The following LMNTD2 variants were observed in gnomAD, a reference collection of about 807,000 sequenced individuals.
LMNTD2 encodes the protein lamin tail domain containing 2.
LMNTD2 carries 83 observed loss-of-function variants against 70.1 expected under a neutral mutation model. The observed-to-expected ratio is 1.18, with a 90% CI of 0.99 to 1.42. The LOEUF (loss-of-function observed/expected upper bound fraction) is 1.42, where lower values mean the gene tolerates loss of function less well. Among genes scored for constraint, LMNTD2 ranks in the 40% most tolerant of loss-of-function variants. The pLI, the probability that LMNTD2 is intolerant of heterozygous loss-of-function variation, is 0.00. For missense variants in LMNTD2, 1,153 were observed against 905.9 expected (o/e 1.27, Z -3.50); for synonymous variants, 534 against 406.1 (o/e 1.31, Z -3.79).
rs779940792 is a variant in LMNTD2, at chr11:555,481, C to T, written c.1597G>A (p.Val533Met). The change falls in exon 13 of 14, where the codon GTG becomes ATG. Residue 533 changes from valine (V) to methionine (M), a missense_variant. By Grantham distance (21) the Val-to-Met change is conservative. Transcript: ENST00000329451. Reference protein sequence around the residue: ...RPGTRGLLPPVSSGKLFHARE... With the variant: ...RPGTRGLLPPMSSGKLFHARE... ...GCGTGGAAGAGCTTCCCCGAGCTCA[C>T]TGGGGGCAGCAGGCCCCGCGTCCTG... The T allele has an allele frequency of 1.5e-6, 2 of 1,371,596 alleles. No homozygotes were observed. The highest frequency in any genetic ancestry group is 1.8e-5 in the South Asian group (1 of 55,168). 85.0% of individuals were successfully genotyped at this position (1,371,596 alleles called of 1,614,324 possible). A position where few individuals can be genotyped will look rare whatever the true frequency, so the allele number is the denominator to read the frequency against.
intron 8 of LMNTD2, 51 bp downstream of exon 8, chr11:556,784 G>A (rs575108739): frequency 7.4e-6 from 11 of 1,496,066 alleles, no homozygotes; most frequent in Non-Finnish European, 9.8e-6. Flanking sequence ...ACAGCTCTGA[G>A]GGGGTGGAGG....
rs1432183652 is a variant in LMNTD2, at chr11:558,836, G to C, written c.158+20C>G. On this transcript the variant is annotated intron_variant, in intron 2 of 13. Coordinates refer to ENST00000329451, the MANE Select transcript of LMNTD2 (RefSeq NM_173573.3). ...GCCACCTGGCCCAGGAGGCTCACCAGTCCTCCCTCTCCTCCTTACTGCGGG... is the reference window on the plus strand; with the variant it reads ...GCCACCTGGCCCAGGAGGCTCACCACTCCTCCCTCTCCTCCTTACTGCGGG... The C allele has an allele frequency of 1.9e-6, 3 of 1,596,896 alleles. No homozygotes were observed. The highest frequency in any genetic ancestry group is 2.6e-6 in the Non-Finnish European group (3 of 1,167,142).
chr11:555,525 GGGC>G lies in LMNTD2; in HGVS notation c.1575-25_1575-23del, dbSNP rs892823596. 4 of 1,347,320 alleles carry G rather than the reference GGGC, an allele frequency of 3.0e-6. No homozygotes were observed. The African/African-American group carries it at 6.1e-5, about 21-fold the overall frequency. The allele number at this position is 1,347,320 out of a possible 1,614,324, so 83.5% of individuals were successfully genotyped here. A position where few individuals can be genotyped will look rare whatever the true frequency, so the allele number is the denominator to read the frequency against. On this transcript the variant is annotated intron_variant, in intron 12 of 13. Transcript: ENST00000329451. Reference sequence around the variant, plus strand: ...CGTCCTGGTGGGGCGAGGGTCGTGAGGGCGGCGGCCGGCCCGGGAAAGGCGGCC... The same window carrying G: ...CGTCCTGGTGGGGCGAGGGTCGTGAGGGCGGCCGGCCCGGGAAAGGCGGCC...
chr11:556,250 G>C lies in LMNTD2; in HGVS notation c.1199C>G (p.Pro400Arg), dbSNP rs1852862259. The C allele has an allele frequency of 6.5e-7, 1 of 1,529,024 alleles. No individual in the cohort carries two copies. 94.7% of individuals were successfully genotyped at this position (1,529,024 alleles called of 1,614,324 possible). A position where few individuals can be genotyped will look rare whatever the true frequency, so the allele number is the denominator to read the frequency against. Reference sequence around the variant, plus strand: ...CGGCGGGAAGCGGTACAGGCGCTCCGGGAAGCCGCGCACCAGCTGCTTCAG... The same window carrying C: ...CGGCGGGAAGCGGTACAGGCGCTCCCGGAAGCCGCGCACCAGCTGCTTCAG... ...MVLKQLVRGFPERLYRFPPGT... is the reference protein window; with the variant it reads ...MVLKQLVRGFRERLYRFPPGT... Residue 400 changes from proline (P) to arginine (R), a missense_variant, in exon 10 of 14, where the codon CCG becomes CGG. Pro to Arg is a moderately radical substitution (Grantham distance 103). Coordinates refer to ENST00000329451, the MANE Select transcript of LMNTD2 (RefSeq NM_173573.3).
Position 554,946 on chromosome 11 carries a change from C to T in LMNTD2, c.*34G>A. 1.4e-6 allele frequency: 2 copies of T among 1,464,030 alleles called. No individual in the cohort carries two copies. The highest frequency in any genetic ancestry group is 1.4e-5 in the South Asian group (1 of 73,772). 90.7% of individuals were successfully genotyped at this position (1,464,030 alleles called of 1,614,324 possible). A position where few individuals can be genotyped will look rare whatever the true frequency, so the allele number is the denominator to read the frequency against. On this transcript the variant is annotated 3_prime_UTR_variant, in exon 14 of 14. Transcript: ENST00000329451. ...GCCCAGCCCCGGCGCCCGCCCGCGC[C>T]CTCCCTCGCGGTCCCGGCCCCACTC...
In LMNTD2 at chr11:555,307, G is replaced by A. The variant is rs1852772511; in HGVS notation, c.1771C>T (p.Arg591Trp). ...CGCACCCGCAAGCGCGCACTCACCC[G>A]AACTCGGTGTTCTTTCTGGAGCCGA... ...DCRLQKEHRV[R>W]VCRKSVDRSC... The change falls in exon 13 of 14, where the codon CGG becomes TGG. Residue 591 changes from arginine to tryptophan, a missense_variant and splice_region_variant. By Grantham distance (101) the Arg-to-Trp change is moderately radical (BLOSUM62 -3). Coordinates refer to ENST00000329451, the MANE Select transcript of LMNTD2 (RefSeq NM_173573.3). 2 of 1,415,898 alleles carry A rather than the reference G, an allele frequency of 1.4e-6. No individual in the cohort carries two copies. The highest frequency in any genetic ancestry group is 1.8e-6 in the Non-Finnish European group (2 of 1,087,614). The allele number at this position is 1,415,898 out of a possible 1,614,324, so 87.7% of individuals were successfully genotyped here.
chr11:554,989 G>GCGGCAGGTGTCCGCGGTGAC lies in LMNTD2; in HGVS notation c.1876_1895dup (p.Gly633SerfsTer46). Reference sequence around the variant, plus strand: ...CCCCACTCCTCCGCCCCTAGGCGCCGCGGCAGGTGTCCGCGGTGACCGGCA... The same window carrying GCGGCAGGTGTCCGCGGTGAC: ...CCCCACTCCTCCGCCCCTAGGCGCCGCGGCAGGTGTCCGCGGTGACCGGCAGGTGTCCGCGGTGACCGGCA... On this transcript the variant is annotated frameshift_variant, in exon 14 of 14. Transcript: ENST00000329451. LOFTEE classifies it high-confidence loss of function. 1 of 1,583,330 alleles carries GCGGCAGGTGTCCGCGGTGAC rather than the reference G, an allele frequency of 6.3e-7. No individual in the cohort carries two copies. Among genetic ancestry groups the GCGGCAGGTGTCCGCGGTGAC allele is most frequent in the South Asian group, 1.1e-5 (1 of 87,594 alleles).
chr11:555,348 A>C lies in LMNTD2; in HGVS notation c.1730T>G (p.Leu577Arg). 7.0e-7 allele frequency: 1 copy of C among 1,422,824 alleles called. No homozygotes were observed. The allele number at this position is 1,422,824 out of a possible 1,614,324, so 88.1% of individuals were successfully genotyped here. ...TLPSPPAEAGLGLEDCRLQKE... is the reference protein window; with the variant it reads ...TLPSPPAEAGRGLEDCRLQKE... The stretch of plus-strand genomic sequence containing the variant: ...CTGGAGCCGACAGTCCTCCAGGCCC[A>C]GCCCGGCCTCTGCGGGAGGCGACGG... Residue 577 changes from leucine to arginine, a missense_variant, in exon 13 of 14, where the codon CTG becomes CGG. Coordinates refer to ENST00000329451, the MANE Select transcript of LMNTD2 (RefSeq NM_173573.3).
chr11:558,724 C>G lies in LMNTD2; in HGVS notation c.201G>C (p.Leu67=). 6.2e-7 allele frequency: 1 copy of G among 1,607,666 alleles called. No individual in the cohort carries two copies. The highest frequency in any genetic ancestry group is 2.2e-5 in the East Asian group (1 of 44,668). ...GGATCTCCAGTTCTCGCTGTCTCCACAGCAGCCGCAGTGTGCGAGGGTCCA... is the reference window on the plus strand; with the variant it reads ...GGATCTCCAGTTCTCGCTGTCTCCAGAGCAGCCGCAGTGTGCGAGGGTCCA... ...ESLDPRTLRL[L]WRQRELEIQA... The change falls in exon 3 of 14, where the codon CTG becomes CTC. Residue 67 remains leucine (L), a synonymous_variant. Transcript: ENST00000329451.
chr11:557,774 A>T, intron 5 of LMNTD2, 110 bp downstream of exon 5: 1 of 1,543,642 alleles, frequency 6.5e-7, no homozygotes, highest in African/African-American at 1.4e-5. Context: ...GAGGCACCTG[A>T]GCAGGGCAGG....
chr11:555,183 G>A (rs1291911348), intron 13 of LMNTD2, 72 bp from the exon 14 acceptor site: 10 of 402,038 alleles, frequency 2.5e-5, no homozygotes, highest in Middle Eastern at 6.3e-4. Flanking sequence ...GGAGGAGAGG[G>A]GAGGGGCGGG....
At chr11:556,418 C>T in intron 9 of LMNTD2, 43 bp from the exon 10 acceptor site, 2 of 1,543,026 alleles carry the variant, frequency 1.3e-6, no homozygotes, top group East Asian at 2.4e-5. Context: ...GGCCGGTCCA[C>T]CCGCACAGCT....
In LMNTD2 at chr11:555,751, G is replaced by C; in HGVS notation, c.1557C>G (p.Val519=). ...LRKGRVREPR[V]SRRRPGTRGL... Reference sequence around the variant, plus strand: ...GTCCCCACCCTGGTCTCCGGCGACTGACCCGGGGCTCCCGCACCCGGCCTT... The same window carrying C: ...GTCCCCACCCTGGTCTCCGGCGACTCACCCGGGGCTCCCGCACCCGGCCTT... The change falls in exon 12 of 14, where the codon GTC becomes GTG. Residue 519 remains valine (V), a synonymous_variant. Coordinates refer to ENST00000329451, the MANE Select transcript of LMNTD2 (RefSeq NM_173573.3). The C allele has an allele frequency of 1.4e-6, 2 of 1,426,380 alleles. No individual in the cohort carries two copies. The highest frequency in any genetic ancestry group is 1.8e-6 in the Non-Finnish European group (2 of 1,102,632). The allele number at this position is 1,426,380 out of a possible 1,614,324, so 88.4% of individuals were successfully genotyped here. A position where few individuals can be genotyped will look rare whatever the true frequency, so the allele number is the denominator to read the frequency against.
rs972944805 is a variant in LMNTD2, at chr11:556,392, C to T, written c.1074-17G>A. On this transcript the variant is annotated splice_polypyrimidine_tract_variant and intron_variant, in intron 9 of 13. Transcript: ENST00000329451. ...CCTGTCGGGCTGGGAAGAGAGGAGA[C>T]GCTGTGAGGAGATGCGGCCGGTCCA... 6.5e-7 allele frequency: 1 copy of T among 1,537,806 alleles called. No homozygotes were observed. The highest frequency in any genetic ancestry group is 1.4e-5 in the African/African-American group (1 of 73,114).
rs376297990 is a variant in LMNTD2, at chr11:556,842, G to C, written c.969C>G (p.Asp323Glu). ...AGACCCGCCCCACTGCACCTTCTGA[G>C]TCCCTGCTGTAGCTGCCGGCCTGCA... The part of the protein sequence containing the change: ...ALVQAGSYSR[D>E]SEDLQKTHSP... Residue 323 changes from aspartate (D) to glutamate (E), a missense_variant, in exon 8 of 14, where the codon GAC becomes GAG. Transcript: ENST00000329451. The C allele has an allele frequency of 6.3e-7, 1 of 1,575,488 alleles. No homozygotes were observed. Among genetic ancestry groups the C allele is most frequent in the African/African-American group, 1.3e-5 (1 of 74,276 alleles).
chr11:560,250 G>A (rs1415613295), intron 1 of LMNTD2: 9 of 976,070 alleles, frequency 9.2e-6, no homozygotes, highest in South Asian at 4.7e-5. Flanking sequence ...TGACCGCGAG[G>A]CTGCGGGGCC....
chr11:557,737 T>A, intron 5 of LMNTD2, 97 bp from the exon 6 acceptor site: 1 of 1,587,562 alleles, frequency 6.3e-7, no homozygotes, highest in Non-Finnish European at 8.6e-7. Flanking sequence ...GCCTCCTGAT[T>A]CCTCCCTGCT....
chr11:557,807 C>G (rs1192947205), intron 5 of LMNTD2, 77 bp downstream of exon 5: 1 of 1,512,280 alleles, frequency 6.6e-7, no homozygotes, highest in Middle Eastern at 2.4e-4. Flanking sequence ...CCAGGGCGCC[C>G]CAGCAGAGGC....
chr11:559,788 C>T (rs566321294), intron 1 of LMNTD2: 10 of 1,041,258 alleles, frequency 9.6e-6, no homozygotes, highest in Non-Finnish European at 1.2e-5. Flanking sequence ...GAGACAGGGT[C>T]TTGCTCCGCT....
Sources: gnomAD v4.1 joint callset for allele counts on GRCh38, gnomAD v4.1.1 for gene constraint, MANE v1.5 for transcripts, NCBI Gene and HGNC (gene_info 2026-07-23, HGNC 2026-07-21) for gene names.